Variants in DCC observed in about 807,000 individuals in gnomAD.
DCC encodes DCC netrin 1 receptor, also known as netrin receptor DCC.
Under a neutral mutation model 172.5 loss-of-function variants are expected in DCC, and 58 were observed. The observed-to-expected ratio is 0.34, with a 90% CI of 0.27 to 0.42. The LOEUF is 0.42. DCC is among the 10% of genes least tolerant of loss of function. The probability of loss-of-function intolerance (pLI) is 1.00; values close to 1 mark genes in which losing one functional copy is unlikely to be tolerated. For synonymous variants in DCC, 709 were observed against 644.5 expected (o/e 1.10, Z -1.52); for missense variants, 1,740 against 1,791.0 (o/e 0.97, Z 0.51).
intron 3 of DCC, among the ~76,000 whole-genome samples, chr18:52,909,933 A>G (rs1213162167): frequency 6.6e-6 from 1 of 152,202 alleles, no homozygotes; most frequent in African/African-American, 2.4e-5. Context: ...AGTATACACC[A>G]TGGAAAAAGA....
At chr18:52,723,374 A>G (rs36125484) in intron 1 of DCC, among the ~76,000 whole-genome samples, 66,671 of 152,026 alleles carry the variant, frequency 0.44, 15,615 homozygotes, top group East Asian at 0.76. Context: ...AGGATGACAC[A>G]AACCCTGTCT....
chr18:53,204,946 A>G (rs2055601682), intron 9 of DCC, among the ~76,000 whole-genome samples: 1 of 152,166 alleles, frequency 6.6e-6, no homozygotes, highest in Admixed American at 6.5e-5. Context: ...TGCTGCCATT[A>G]TCTTAGTCAC....
At chr18:53,025,048 T>C (rs2041937430) in intron 5 of DCC, among the ~76,000 whole-genome samples, 1 of 152,112 alleles carries the variant, frequency 6.6e-6, no homozygotes, top group African/African-American at 2.4e-5. Flanking sequence ...AGAAGGCTGA[T>C]TCTTGAAAAT....
chr18:52,578,320 A>T (rs566637938), intron 1 of DCC, among the ~76,000 whole-genome samples: 1 of 152,334 alleles, frequency 6.6e-6, no homozygotes, highest in African/African-American at 2.4e-5. Flanking sequence ...ATTCAATTTT[A>T]GTTCTTACCA....
chr18:53,472,912 T>A (rs1305269447), intron 25 of DCC, among the ~76,000 whole-genome samples: 1 of 152,264 alleles, frequency 6.6e-6, no homozygotes, highest in Non-Finnish European at 1.5e-5. Context: ...TAGATTTCTG[T>A]TACTCTATCC....
intron 1 of DCC, among the ~76,000 whole-genome samples, chr18:52,496,550 G>T (rs2030759086): frequency 6.6e-6 from 1 of 152,098 alleles, no homozygotes; most frequent in African/African-American, 2.4e-5. Context: ...TTGCACATTT[G>T]TAGTTCACAA....
intron 2 of DCC, among the ~76,000 whole-genome samples, chr18:52,811,138 A>G (rs571558536): frequency 2.0e-5 from 3 of 152,210 alleles, no homozygotes; most frequent in Non-Finnish European, 2.9e-5. Context: ...ACAAAAAACA[A>G]CAAAATGACC....
chr18:53,489,189 T>TTATC (rs2045934417), intron 26 of DCC, among the ~76,000 whole-genome samples: 1 of 152,208 alleles, frequency 6.6e-6, no homozygotes, highest in Non-Finnish European at 1.5e-5. Context: ...TTTTTTAACT[T>TTATC]TATCTAAAAT....
chr18:52,841,499 T>C (rs369891763), intron 2 of DCC, among the ~76,000 whole-genome samples: 1 of 152,126 alleles, frequency 6.6e-6, no homozygotes, highest in African/African-American at 2.4e-5. Context: ...GATAAAACAC[T>C]GTAAAAGGCA....
intron 21 of DCC, among the ~76,000 whole-genome samples, chr18:53,433,789 CAT>C (rs1178735002): frequency 2.0e-5 from 3 of 152,164 alleles, no homozygotes; most frequent in African/African-American, 7.2e-5. Context: ...TGTACACACA[CAT>C]AGGAGCCTGC....
chr18:52,586,859 G>T (rs929207934), intron 1 of DCC, among the ~76,000 whole-genome samples: 12 of 152,258 alleles, frequency 7.9e-5, no homozygotes, highest in African/African-American at 2.6e-4. Context: ...TATCAGTCCA[G>T]CTCCTTCAGG....
At chr18:52,527,522 G>C (rs2032018860) in intron 1 of DCC, among the ~76,000 whole-genome samples, 1 of 152,180 alleles carries the variant, frequency 6.6e-6, no homozygotes, top group Admixed American at 6.5e-5. Flanking sequence ...TTCAGGGCAT[G>C]GATGAAAGCA....
intron 2 of DCC, among the ~76,000 whole-genome samples, chr18:52,827,964 G>A (rs2038541765): frequency 6.8e-6 from 1 of 147,398 alleles, no homozygotes; most frequent in African/African-American, 2.5e-5. Flanking sequence ...TATAGTAGTA[G>A]TTTTTTTTTT....
intron 1 of DCC, among the ~76,000 whole-genome samples, chr18:52,398,984 A>G (rs560215405): frequency 6.6e-6 from 1 of 151,988 alleles, no homozygotes; most frequent in Non-Finnish European, 1.5e-5. Flanking sequence ...ATAAACAAAT[A>G]AATAAATTTG....
intron 12 of DCC, among the ~76,000 whole-genome samples, chr18:53,269,079 T>C (rs546119707): frequency 1.6e-4 from 24 of 152,238 alleles, no homozygotes; most frequent in African/African-American, 5.8e-4. Context: ...ATTATCCTGA[T>C]AGATGTGTGT....
At chr18:52,504,362 T>C (rs1037945239) in intron 1 of DCC, among the ~76,000 whole-genome samples, 1 of 152,118 alleles carries the variant, frequency 6.6e-6, no homozygotes, top group Non-Finnish European at 1.5e-5. Flanking sequence ...ACAGGGAACA[T>C]ACTGGTAACT....
At chr18:52,987,073 C>T (rs1201752960) in intron 5 of DCC, among the ~76,000 whole-genome samples, 5 of 152,126 alleles carry the variant, frequency 3.3e-5, no homozygotes, top group African/African-American at 1.2e-4. Flanking sequence ...CCACTGGCCT[C>T]GGCCTCCCAA....
chr18:52,719,724 T>C (rs910666427), intron 1 of DCC, among the ~76,000 whole-genome samples: 11 of 152,190 alleles, frequency 7.2e-5, no homozygotes, highest in Non-Finnish European at 1.3e-4. Context: ...AGAAAAGTTT[T>C]CTCAGAGGAA....
At chr18:53,048,361 G>A (rs2042287180) in intron 5 of DCC, among the ~76,000 whole-genome samples, 1 of 151,744 alleles carries the variant, frequency 6.6e-6, no homozygotes, top group South Asian at 2.1e-4. Flanking sequence ...CCGCTTATAA[G>A]TGAGAACATG....
Sources: gnomAD v4.1 joint callset for allele counts (sites outside exome capture counted in the v4.1 genomes callset) on GRCh38, gnomAD v4.1.1 for gene constraint, MANE v1.5 for transcripts, NCBI Gene and HGNC (gene_info 2026-07-23, HGNC 2026-07-21) for gene names.